Variants in VAV1 observed in about 807,000 individuals in gnomAD.
VAV1 encodes vav guanine nucleotide exchange factor 1.
In VAV1, 33 loss-of-function variants were observed where a neutral mutation model predicts 128.1. The ratio of observed to expected loss-of-function variants is 0.26; its 90% CI spans 0.20 to 0.34. VAV1 has a LOEUF of 0.34. Among genes scored for constraint, VAV1 ranks in the 10% least tolerant of loss-of-function variants. The pLI is 1.00. For synonymous variants in VAV1, 394 were observed against 409.8 expected (o/e 0.96, Z 0.47); for missense variants, 715 against 1,093.7 (o/e 0.65, Z 4.88).
Position 6,850,767 on chromosome 19 carries a change from A to C in VAV1, c.2217+10A>C. 1 of 1,613,682 alleles carries C rather than the reference A, an allele frequency of 6.2e-7. No individual in the cohort carries two copies. The highest frequency in any genetic ancestry group is 8.5e-7 in the Non-Finnish European group (1 of 1,179,762). ...TTTCCGGGGGCTTACGGTAAGGGTC[A>C]ATGTCCGCTCAATCCCAGCTTTCCA... On this transcript the variant is annotated intron_variant, in intron 24 of 26. Coordinates refer to ENST00000602142, the MANE Select transcript of VAV1 (RefSeq NM_005428.4).
At chr19:6,830,965 G>C (rs377299995) in intron 14 of VAV1, among the ~76,000 whole-genome samples, 1 of 152,100 alleles carries the variant, frequency 6.6e-6, no homozygotes, top group African/African-American at 2.4e-5. Context: ...GGTGGCACAT[G>C]CCTGTAGCCC....
chr19:6,796,382 A>G (rs1004575508), intron 1 of VAV1, among the ~76,000 whole-genome samples: 1 of 152,030 alleles, frequency 6.6e-6, no homozygotes, highest in Non-Finnish European at 1.5e-5. Context: ...TTTTGATTAC[A>G]TGGCCACGGT....
intron 15 of VAV1, 41 bp downstream of exon 15, chr19:6,832,241 G>A (rs756313086): frequency 1.3e-5 from 20 of 1,592,592 alleles, no homozygotes; most frequent in Non-Finnish European, 1.7e-5. Flanking sequence ...CCACAGAGGG[G>A]CAGGGGCTGG....
rs539900156 is a variant in VAV1 at position 6,785,317 on chromosome 19, T to C, written c.204+12306T>C. On this transcript the variant is annotated intron_variant, in intron 1 of 26. Coordinates refer to ENST00000602142, the MANE Select transcript of VAV1 (RefSeq NM_005428.4). ...CTCCCAAAGTGCTCGGATACAGACATGAGCCACTTCACCTTTTTCTTTTTT... is the reference window on the plus strand; with the variant it reads ...CTCCCAAAGTGCTCGGATACAGACACGAGCCACTTCACCTTTTTCTTTTTT... 2.0e-5 allele frequency among the ~76,000 whole-genome samples: 3 copies of C among 152,140 alleles called. No individual in the cohort carries two copies. In the South Asian group the frequency reaches 6.2e-4, roughly 32 times the overall value.
At position 6,833,108 on chromosome 19, in the gene VAV1, T is replaced by C. The variant is rs541809239; in HGVS notation, c.1509-76T>C. 56 of 1,319,518 alleles carry C rather than the reference T, an allele frequency of 4.2e-5. No homozygotes were observed. The African/African-American group carries it at 4.6e-4, about 11-fold the overall frequency. The allele number at this position is 1,319,518 out of a possible 1,614,324, so 81.7% of individuals were successfully genotyped here. ...CGCAAAACGTGGTCTGTTCATACCATGGAATAGTATTCAGCCATAAAAAGG... is the reference window on the plus strand; with the variant it reads ...CGCAAAACGTGGTCTGTTCATACCACGGAATAGTATTCAGCCATAAAAAGG... On this transcript the variant is annotated intron_variant, in intron 15 of 26. Transcript: ENST00000602142.
intron 14 of VAV1, among the ~76,000 whole-genome samples, chr19:6,831,543 A>C (rs545394711): frequency 1.3e-5 from 2 of 152,050 alleles, no homozygotes; most frequent in Non-Finnish European, 2.9e-5. Flanking sequence ...CAAACTCCTG[A>C]CCTCGTGATC....
chr19:6,802,375 T>A (rs1051275460), intron 1 of VAV1, among the ~76,000 whole-genome samples: 1 of 152,058 alleles, frequency 6.6e-6, no homozygotes, highest in African/African-American at 2.4e-5. Context: ...GGACCTCCTG[T>A]CCTTTGCCAC....
Position 6,826,399 on chromosome 19 carries a change from C to G in VAV1, c.828-213C>G, listed in dbSNP as rs955642850. Among the ~76,000 whole-genome samples the G allele has an allele frequency of 9.9e-5, 15 of 151,910 alleles. No homozygotes were observed. The highest frequency in any genetic ancestry group is 3.6e-4 in the African/African-American group (15 of 41,360). On this transcript the variant is annotated intron_variant, in intron 8 of 26. Transcript: ENST00000602142. The surrounding 1 kb of genome is among the most constrained non-coding windows in gnomAD (Gnocchi z 4.1). ...AATAAACATTGGGCAGAGACAATAC[C>G]AGGTACTGTGGTGAAATTACTGTAG...
intron 1 of VAV1, among the ~76,000 whole-genome samples, chr19:6,817,019 T>C (rs1971670123): frequency 6.6e-6 from 1 of 151,946 alleles, no homozygotes; most frequent in Non-Finnish European, 1.5e-5. Flanking sequence ...TCTGAATGCC[T>C]AACCATGTGT....
At chr19:6,811,263 T>C (rs960964153) in intron 1 of VAV1, among the ~76,000 whole-genome samples, 36 of 152,322 alleles carry the variant, frequency 2.4e-4, no homozygotes, top group African/African-American at 8.7e-4. Flanking sequence ...CTCGAACTCC[T>C]GACTTCAAGT....
chr19:6,852,827 G>C (rs934123272), intron 24 of VAV1, 138 bp from the exon 25 acceptor site: 10 of 596,460 alleles, frequency 1.7e-5, no homozygotes, highest in Non-Finnish European at 2.4e-5. Context: ...ATCATGGGGA[G>C]TATTCAAGGG....
At chr19:6,827,563 C>T (rs974671538) in intron 9 of VAV1, among the ~76,000 whole-genome samples, 13 of 152,198 alleles carry the variant, frequency 8.5e-5, no homozygotes, top group African/African-American at 2.2e-4. Flanking sequence ...CCTGAGCAAT[C>T]GTGCCCAGCC....
chr19:6,811,130 G>C (rs568338687), intron 1 of VAV1, among the ~76,000 whole-genome samples: 1 of 152,236 alleles, frequency 6.6e-6, no homozygotes, highest in South Asian at 2.1e-4. Flanking sequence ...CCGCCTTCCA[G>C]GTTCAAGTGA....
chr19:6,783,470 CTTTTTTTTTT>C (rs61101390), intron 1 of VAV1, among the ~76,000 whole-genome samples: 4 of 113,832 alleles, frequency 3.5e-5, no homozygotes, highest in Non-Finnish European at 5.2e-5. Flanking sequence ...CACCTCCATC[CTTTTTTTTTT>C]TTTTTTTTTT....
intron 1 of VAV1, among the ~76,000 whole-genome samples, chr19:6,785,050 G>A (rs1970856740): frequency 6.6e-6 from 1 of 152,144 alleles, no homozygotes. Flanking sequence ...AGCCAAATCG[G>A]CCACCCAGCA....
intron 1 of VAV1, among the ~76,000 whole-genome samples, chr19:6,804,996 G>A (rs1971359727): frequency 1.3e-5 from 2 of 151,608 alleles, no homozygotes; most frequent in African/African-American, 4.8e-5. Context: ...CTCCCTAAGT[G>A]CTGGGATTAC....
intron 1 of VAV1, among the ~76,000 whole-genome samples, chr19:6,806,635 G>A (rs558070345): frequency 1.3e-5 from 2 of 152,240 alleles, no homozygotes; most frequent in African/African-American, 4.8e-5. Context: ...GTAAATCACT[G>A]TCCCAGAAGC....
intron 1 of VAV1, among the ~76,000 whole-genome samples, chr19:6,796,357 C>T (rs1406285814): frequency 6.6e-6 from 1 of 152,028 alleles, no homozygotes; most frequent in Non-Finnish European, 1.5e-5. Context: ...CTTGGGGTGA[C>T]AGCCACTTGC....
At chr19:6,787,424 G>A (rs373926059) in intron 1 of VAV1, among the ~76,000 whole-genome samples, 6 of 151,892 alleles carry the variant, frequency 4.0e-5, no homozygotes, top group Non-Finnish European at 8.8e-5. Context: ...AATCTTCCCC[G>A]CCTTGGCCTC....
Sources: allele counts gnomAD v4.1 joint callset (sites outside exome capture counted in the v4.1 genomes callset), GRCh38; gene constraint gnomAD v4.1.1; non-coding constraint Gnocchi (gnomAD v3.1); transcripts MANE v1.5; gene names NCBI Gene and HGNC (gene_info 2026-07-23, HGNC 2026-07-21).